Variants in DSG3 observed in about 807,000 individuals in gnomAD.
DSG3 encodes the protein desmoglein 3, also known as desmoglein-3.
DSG3 carries 63 observed loss-of-function variants against 85.9 expected under a neutral mutation model. The ratio of observed to expected loss-of-function variants is 0.73; its 90% CI spans 0.60 to 0.90. The LOEUF is 0.90. DSG3 is among the 40% of genes least tolerant of loss of function. DSG3 has a pLI of 0.00. For synonymous variants in DSG3, 447 were observed against 441.9 expected, an observed-to-expected ratio of 1.01 and a Z score of -0.14; for missense variants, 1,220 against 1,219.9, an observed-to-expected ratio of 1.00 and a Z score of 0.00.
intron 3 of DSG3, among the ~76,000 whole-genome samples, chr18:31,457,596 CT>C (rs201329282): frequency 5.5e-5 from 4 of 72,160 alleles, no homozygotes; most frequent in East Asian, 3.5e-4. Context: ...TTCTTTCTTT[CT>C]TTCTTTCTTT....
chr18:31,469,427 G>A, intron 12 of DSG3, 78 bp downstream of exon 12: 2 of 1,543,566 alleles, frequency 1.3e-6, no homozygotes, highest in Non-Finnish European at 1.7e-6. Flanking sequence ...CTGCTCATCT[G>A]TGCAATGGGG....
Position 31,464,195 on chromosome 18 carries a change from C to T in DSG3, c.1084C>T (p.Arg362Ter), listed in dbSNP as rs540587123. 2 of 1,614,084 alleles carry T rather than the reference C, an allele frequency of 1.2e-6. No homozygotes were observed. Among genetic ancestry groups the T allele is most frequent in the South Asian group, 1.1e-5 (1 of 91,074 alleles). The change falls in exon 9 of 16, where the codon CGA becomes TGA. Residue 362 changes from arginine (R) to a stop codon, truncating the protein, a stop_gained. Transcript: ENST00000257189. LOFTEE classifies it high-confidence loss of function. ...KAEFHQSVIS[R>*]YRVQSTPVTI... is the part of the protein sequence containing the mutation. ...TGAATTTCACCAATCAGTTATCTCT[C>T]GATACCGAGTTCAGTCAACCCCAGT...
At chr18:31,465,871 T>G (rs1427692519) in intron 10 of DSG3, among the ~76,000 whole-genome samples, 2 of 152,178 alleles carry the variant, frequency 1.3e-5, no homozygotes, top group Non-Finnish European at 2.9e-5. Flanking sequence ...TTCTGGAATG[T>G]TTTAAAATAA....
At position 31,458,538 on chromosome 18, in the gene DSG3, A is replaced by G. The variant is rs1267585112; in HGVS notation, c.310A>G (p.Lys104Glu). 6.8e-6 allele frequency: 11 copies of G among 1,614,062 alleles called. No individual in the cohort carries two copies. Among genetic ancestry groups the G allele is most frequent in the Non-Finnish European group, 7.6e-6 (9 of 1,179,948 alleles). ...QPPFGIFVVDKNTGDINITAI... is the reference protein window; with the variant it reads ...QPPFGIFVVDENTGDINITAI... ...GCCTTTTGGAATCTTTGTTGTTGAC[A>G]AAAACACTGGAGATATTAACATAAC... The change falls in exon 4 of 16, where the codon AAA becomes GAA. Residue 104 changes from lysine to glutamate, a missense_variant. Transcript: ENST00000257189.
At chr18:31,455,441 C>T (rs2072736479) in intron 1 of DSG3, among the ~76,000 whole-genome samples, 1 of 151,982 alleles carries the variant, frequency 6.6e-6, no homozygotes, top group African/African-American at 2.4e-5. Flanking sequence ...GGAAAGTTTA[C>T]AATACTCCTG....
intron 1 of DSG3, 132 bp downstream of exon 1, chr18:31,448,057 A>C: frequency 1.7e-6 from 1 of 579,130 alleles, no homozygotes; most frequent in Non-Finnish European, 2.7e-6. Flanking sequence ...CTTTGAAATG[A>C]AATCGTGAAG....
At chr18:31,454,686 T>TC in intron 1 of DSG3, among the ~76,000 whole-genome samples, 1 of 151,704 alleles carries the variant, frequency 6.6e-6, no homozygotes, top group Middle Eastern at 3.4e-3. Context: ...TTTTTTTTTT[T>TC]TCTCTTTATG....
intron 1 of DSG3, among the ~76,000 whole-genome samples, chr18:31,454,105 T>C (rs2072727305): frequency 6.6e-6 from 1 of 152,206 alleles, no homozygotes. Flanking sequence ...ATCATTGCAA[T>C]ATTCAGAAAT....
chr18:31,472,290 C>G lies in DSG3; in HGVS notation c.1904C>G (p.Pro635Arg), dbSNP rs770050201. 1 of 1,613,984 alleles carries G rather than the reference C, an allele frequency of 6.2e-7. No individual in the cohort carries two copies. The highest frequency in any genetic ancestry group is 1.1e-5 in the South Asian group (1 of 91,074). Residue 635 changes from proline (P) to arginine (R), a missense_variant, in exon 13 of 16, where the codon CCC becomes CGC. By Grantham distance (103) the Pro-to-Arg change is moderately radical (BLOSUM62 -2). Coordinates refer to ENST00000257189, the MANE Select transcript of DSG3 (RefSeq NM_001944.3). ...TTGTTTTGTTTTTCACTAGTGGCCCCCCTTCTGCTGTTGACCTGTGACTGT... is the reference window on the plus strand; with the variant it reads ...TTGTTTTGTTTTTCACTAGTGGCCCGCCTTCTGCTGTTGACCTGTGACTGT... ...LLGLLLLLLA[P>R]LLLLTCDCGA...
At position 31,475,505 on chromosome 18, in the gene DSG3, T is replaced by C. The variant is rs73414237; in HGVS notation, c.2386-141T>C. The stretch of plus-strand genomic sequence containing the variant: ...ACACCAGATAATGTTTTGAACAAGA[T>C]TGTTAATAGACAGTGTCCTTTATTT... On this transcript the variant is annotated intron_variant, in intron 15 of 15. Transcript: ENST00000257189. 5.1e-3 allele frequency: 5,300 copies of C among 1,037,940 alleles called. 206 individuals are homozygous for C. The African/African-American group carries it at 0.076, about 15-fold the overall frequency. 64.3% of individuals were successfully genotyped at this position (1,037,940 alleles called of 1,614,324 possible).
At position 31,464,123 on chromosome 18, in the gene DSG3, G is replaced by A. The variant is rs2144275569; in HGVS notation, c.1012G>A (p.Glu338Lys). The A allele has an allele frequency of 1.2e-6, 2 of 1,611,990 alleles. No homozygotes were observed. The highest frequency in any genetic ancestry group is 1.7e-6 in the Non-Finnish European group (2 of 1,178,964). Residue 338 changes from glutamate to lysine, a missense_variant, in exon 9 of 16, where the codon GAA becomes AAA. By Grantham distance (56) the Glu-to-Lys change is moderately conservative (BLOSUM62 1). Transcript: ENST00000257189. ...ATTTTTTCTCCAGGCTCTAGATTAT[G>A]AACAACTACAAAGCGTGAAACTTAG... ...ILKVVKALDY[E>K]QLQSVKLSIA...
In DSG3 at chr18:31,472,239, C is replaced by T. The variant is rs758884883; in HGVS notation, c.1898-45C>T. On this transcript the variant is annotated intron_variant, in intron 12 of 15. Transcript: ENST00000257189. The stretch of plus-strand genomic sequence containing the variant: ...GAAAAATTATCACATTAAATAGTTC[C>T]TAAATTAGTCAAGTGTTCTGATGTT... 1.9e-6 allele frequency: 3 copies of T among 1,612,736 alleles called. No homozygotes were observed. The South Asian group carries it at 3.3e-5, about 18-fold the overall frequency.
In DSG3 at chr18:31,474,162, G is replaced by C; in HGVS notation, c.2143G>C (p.Gly715Arg). ...NTYARGTAVE[G>R]TSGMEMTTKL... ...GTATGCCAGAGGCACAGCGGTGGAA[G>C]GCACTTCAGGAATGGAAATGACCAC... The change falls in exon 15 of 16, where the codon GGC (glycine) becomes CGC (arginine). Residue 715 changes from glycine to arginine, a missense_variant. By Grantham distance (125) the Gly-to-Arg change is moderately radical. Coordinates refer to ENST00000257189, the MANE Select transcript of DSG3 (RefSeq NM_001944.3). 6.2e-7 allele frequency: 1 copy of C among 1,614,150 alleles called. No individual in the cohort carries two copies. The highest frequency in any genetic ancestry group is 1.1e-5 in the South Asian group (1 of 91,078).
chr18:31,450,108 T>C (rs1213981652), intron 1 of DSG3, among the ~76,000 whole-genome samples: 2 of 152,230 alleles, frequency 1.3e-5, no homozygotes, highest in Admixed American at 6.5e-5. Context: ...TTCGCATTTG[T>C]GGTTTTTAGC....
Position 31,476,993 on chromosome 18 carries a change from A to G in DSG3, c.*733A>G, listed in dbSNP as rs1201459770. 1 of 151,802 alleles carries G rather than the reference A, an allele frequency of 6.6e-6. No homozygotes were observed. The highest frequency in any genetic ancestry group is 1.5e-5 in the Non-Finnish European group (1 of 68,000). The allele number at this position is 151,802 out of a possible 1,614,324, so 9.4% of individuals were successfully genotyped here. A position where few individuals can be genotyped will look rare whatever the true frequency, so the allele number is the denominator to read the frequency against. ...AAAAAAAAAAAAAAAAAGAATCACA[A>G]GGTATTTGCTAAAGCATTTTGAGCT... On this transcript the variant is annotated 3_prime_UTR_variant, in exon 16 of 16. Coordinates refer to ENST00000257189, the MANE Select transcript of DSG3 (RefSeq NM_001944.3).
At chr18:31,448,739 A>T (rs1163248860) in intron 1 of DSG3, among the ~76,000 whole-genome samples, 1 of 152,130 alleles carries the variant, frequency 6.6e-6, no homozygotes, top group Non-Finnish European at 1.5e-5. Flanking sequence ...ATGAATGTCA[A>T]AACAATTCCT....
At position 31,461,328 on chromosome 18, in the gene DSG3, T is replaced by C. The variant is rs756163513; in HGVS notation, c.915T>C (p.Tyr305=). ...EEYTDNWLAV[Y]FFTSGNEGNW... is the part of the protein sequence containing the mutation. The stretch of plus-strand genomic sequence containing the variant: ...ACACAGATAATTGGCTTGCAGTATA[T>C]TTCTTTACCTCTGGGAATGAAGGAA... The change falls in exon 8 of 16, where the codon TAT becomes TAC. Residue 305 remains tyrosine (Y), a synonymous_variant. Coordinates refer to ENST00000257189, the MANE Select transcript of DSG3 (RefSeq NM_001944.3). 1.4e-5 allele frequency: 23 copies of C among 1,613,590 alleles called. No individual in the cohort carries two copies. Among genetic ancestry groups the C allele is most frequent in the Non-Finnish European group, 8.5e-7 (1 of 1,179,758 alleles).
intron 4 of DSG3, 108 bp from the exon 5 acceptor site, chr18:31,458,925 C>T: frequency 7.3e-7 from 1 of 1,361,866 alleles, no homozygotes; most frequent in Non-Finnish European, 1.0e-6. Flanking sequence ...AACATTTCTT[C>T]TTTGCACAAA....
chr18:31,454,940 T>C (rs1311904089), intron 1 of DSG3, among the ~76,000 whole-genome samples: 1 of 151,132 alleles, frequency 6.6e-6, no homozygotes, highest in Non-Finnish European at 1.5e-5. Context: ...GAAGCTTACA[T>C]TGAGTCAAGA....
Sources: allele counts gnomAD v4.1 joint callset (sites outside exome capture counted in the v4.1 genomes callset), GRCh38; gene constraint gnomAD v4.1.1; transcripts MANE v1.5; gene names NCBI Gene and HGNC (gene_info 2026-07-23, HGNC 2026-07-21).